BTD: variants seen among roughly 807,000 people sequenced by gnomAD.
BTD encodes the protein biotinidase.
A neutral mutation model predicts 17.7 loss-of-function variants in BTD; 13 were observed. That is an observed-to-expected ratio of 0.74 (90% CI 0.48 to 1.17). The LOEUF is 1.17. Ranked by LOEUF, BTD falls within the 50% of genes most tolerant of loss-of-function variation. The pLI, the probability that BTD is intolerant of heterozygous loss-of-function variation, is 0.00. For synonymous variants in BTD, 240 were observed against 245.2 expected (o/e 0.98, Z 0.20); for missense variants, 674 against 650.4 (o/e 1.04, Z -0.39).
At chr3:15,642,838 A>T (rs1042157944) in intron 3 of BTD, among the ~76,000 whole-genome samples, 1 of 151,854 alleles carries the variant, frequency 6.6e-6, no homozygotes, top group Admixed American at 6.6e-5. Context: ...AAACATGTTC[A>T]AGTTTTTCTG....
intron 4 of BTD, among the ~76,000 whole-genome samples, chr3:15,718,451 T>C (rs1400337924): frequency 2.0e-5 from 3 of 152,202 alleles, no homozygotes; most frequent in Non-Finnish European, 4.4e-5. Context: ...ATAGGACCAC[T>C]GGTTTGAGCA....
intron 3 of BTD, chr3:15,675,832 C>T: frequency 1.5e-6 from 2 of 1,298,950 alleles, no homozygotes; most frequent in Non-Finnish European, 1.0e-6. Flanking sequence ...AAGTTTATTT[C>T]TCTTCAAATA....
At chr3:15,666,305 A>G (rs1385507975) in intron 3 of BTD, among the ~76,000 whole-genome samples, 3 of 152,216 alleles carry the variant, frequency 2.0e-5, no homozygotes, top group African/African-American at 7.2e-5. Flanking sequence ...AGCAGTCATT[A>G]GGGGGTTAAG....
intron 1 of BTD, among the ~76,000 whole-genome samples, chr3:15,625,745 TG>T (rs1178037833): frequency 2.6e-5 from 4 of 152,004 alleles, no homozygotes; most frequent in Non-Finnish European, 4.4e-5. Flanking sequence ...TTAGTAGAGA[TG>T]GGGTTTCACC....
Position 15,623,226 on chromosome 3 carries a change from A to G in BTD, c.-16-12198A>G, listed in dbSNP as rs553581756. Among the ~76,000 whole-genome samples the G allele has an allele frequency of 3.9e-5, 6 of 152,342 alleles. No homozygotes were observed. The South Asian group carries it at 8.3e-4, about 21-fold the overall frequency. On this transcript the variant is annotated intron_variant, in intron 1 of 3. Coordinates refer to ENST00000643237, the MANE Select transcript of BTD (RefSeq NM_001370658.1). The stretch of plus-strand genomic sequence containing the variant: ...CAAGGTGAAATTTGGGTGGAGACAC[A>G]GCCAAACCATATCAGTTACTATTAG...
chr3:15,689,524 TG>T (rs1390934376), intron 3 of BTD, among the ~76,000 whole-genome samples: 4 of 152,174 alleles, frequency 2.6e-5, no homozygotes, highest in Non-Finnish European at 5.9e-5. Context: ...GGGAGCTACT[TG>T]GGGGCACTTA....
chr3:15,607,779 C>T (rs750009674), intron 1 of BTD, among the ~76,000 whole-genome samples: 6 of 151,850 alleles, frequency 4.0e-5, no homozygotes, highest in Middle Eastern at 3.4e-3. Context: ...AATAAAAAGG[C>T]GGAAACAACA....
chr3:15,629,635 T>G (rs2065153592), intron 1 of BTD, among the ~76,000 whole-genome samples: 1 of 152,302 alleles, frequency 6.6e-6, no homozygotes, highest in Middle Eastern at 3.4e-3. Flanking sequence ...GCGATTCTCC[T>G]GCCTCAGCCT....
chr3:15,614,262 C>T (rs1029512700), intron 1 of BTD, among the ~76,000 whole-genome samples: 3 of 151,568 alleles, frequency 2.0e-5, no homozygotes, highest in Non-Finnish European at 4.4e-5. Context: ...ATGCTGGGAC[C>T]GCAGGTGTAC....
intron 3 of BTD, among the ~76,000 whole-genome samples, chr3:15,709,222 A>G (rs999058927): frequency 4.6e-5 from 7 of 152,180 alleles, no homozygotes; most frequent in African/African-American, 1.4e-4. Context: ...TTACACATAT[A>G]TATTTATAAC....
chr3:15,719,439 A>G (rs1194671087), intron 4 of BTD, among the ~76,000 whole-genome samples: 11 of 152,256 alleles, frequency 7.2e-5, no homozygotes. Flanking sequence ...GATAAAATTA[A>G]TACAGAAACA....
chr3:15,689,184 C>T (rs1476197335), intron 3 of BTD, among the ~76,000 whole-genome samples: 1 of 152,114 alleles, frequency 6.6e-6, no homozygotes, highest in African/African-American at 2.4e-5. Context: ...TTTGAAGAGC[C>T]AAGCTGACAT....
rs528666994 is a variant in BTD at position 15,694,722 on chromosome 3, A to G, written c.400-15338A>G. The G allele has an allele frequency of 2.6e-5, 42 of 1,607,834 alleles. No homozygotes were observed. The South Asian group carries it at 4.4e-4, about 17-fold the overall frequency. ...TAAACCAGCAGCCATCAAGTCGGCTATGAAGGCAGTACTCACAGCCAAGTG... is the reference window on the plus strand; with the variant it reads ...TAAACCAGCAGCCATCAAGTCGGCTGTGAAGGCAGTACTCACAGCCAAGTG... On this transcript the variant is annotated intron_variant, in intron 3 of 3. Transcript: ENST00000672141.
chr3:15,625,094 T>C (rs1030148363), intron 1 of BTD, among the ~76,000 whole-genome samples: 1 of 152,226 alleles, frequency 6.6e-6, no homozygotes, highest in African/African-American at 2.4e-5. Flanking sequence ...TTGTAATTTT[T>C]TGTTGGAAGT....
intron 3 of BTD, among the ~76,000 whole-genome samples, chr3:15,671,822 T>C (rs2066395718): frequency 6.6e-6 from 1 of 152,066 alleles, no homozygotes; most frequent in African/African-American, 2.4e-5. Flanking sequence ...TGGCCTCAAG[T>C]GATCTGCCTG....
chr3:15,610,349 C>T (rs2064580822), intron 1 of BTD, among the ~76,000 whole-genome samples: 1 of 152,206 alleles, frequency 6.6e-6, no homozygotes. Flanking sequence ...GTGCAAGCCT[C>T]TATGTGCGGT....
intron 3 of BTD, among the ~76,000 whole-genome samples, chr3:15,708,653 T>C (rs1440547148): frequency 6.6e-6 from 1 of 152,184 alleles, no homozygotes; most frequent in African/African-American, 2.4e-5. Flanking sequence ...AAATTAGCTA[T>C]AAAAATATTG....
chr3:15,716,135 A>G (rs1559394460), downstream of BTD, among the ~76,000 whole-genome samples: 1 of 151,752 alleles, frequency 6.6e-6, no homozygotes, highest in Non-Finnish European at 1.5e-5. Flanking sequence ...GGCATGCACC[A>G]CCATGCCCAG....
chr3:15,637,152 C>T (rs1233281871), intron 2 of BTD, among the ~76,000 whole-genome samples: 1 of 152,144 alleles, frequency 6.6e-6, no homozygotes, highest in African/African-American at 2.4e-5. Flanking sequence ...TGGCATCTGT[C>T]CCCCAGGCTG....
Sources: allele counts gnomAD v4.1 joint callset (sites outside exome capture counted in the v4.1 genomes callset), GRCh38; gene constraint gnomAD v4.1.1; transcripts MANE v1.5; gene names NCBI Gene and HGNC (gene_info 2026-07-23, HGNC 2026-07-21).